The following POLR1E variants were observed in gnomAD, a reference collection of about 807,000 sequenced individuals.
POLR1E encodes RNA polymerase I subunit E, also known as DNA-directed RNA polymerase I subunit RPA49.
Under a neutral mutation model 50.9 loss-of-function variants are expected in POLR1E, and 37 were observed. That is an observed-to-expected ratio of 0.73 (90% CI 0.56 to 0.96). The LOEUF (loss-of-function observed/expected upper bound fraction) is 0.96, where lower values mean the gene tolerates loss of function less well. Among genes scored for constraint, POLR1E ranks in the 40% least tolerant of loss-of-function variants. The pLI, the probability that POLR1E is intolerant of heterozygous loss-of-function variation, is 0.00. For synonymous variants in POLR1E, 166 were observed against 191.6 expected, an observed-to-expected ratio of 0.87 and a Z score of 1.10; for missense variants, 426 against 518.1, an observed-to-expected ratio of 0.82 and a Z score of 1.73.
intron 6 of POLR1E, 105 bp downstream of exon 6, chr9:37,493,808 G>A: frequency 1.6e-6 from 2 of 1,236,620 alleles, no homozygotes; most frequent in South Asian, 4.3e-5. Flanking sequence ...GCTAGGGCTG[G>A]ATTCCTTTCA....
chr9:37,495,077 A>G (rs1820760379), intron 6 of POLR1E, 92 bp from the exon 7 acceptor site: 3 of 1,076,914 alleles, frequency 2.8e-6, no homozygotes, highest in Non-Finnish European at 4.3e-6. Context: ...GGGTTTCTGG[A>G]CCATTGGTGG....
intron 1 of POLR1E, 153 bp from the exon 2 acceptor site, chr9:37,486,550 A>T (rs1205073714): frequency 6.3e-7 from 1 of 1,587,894 alleles, no homozygotes; most frequent in South Asian, 1.1e-5. Context: ...CTGGCCCCGG[A>T]TCTCCTCCAG....
intron 7 of POLR1E, 29 bp from the exon 8 acceptor site, chr9:37,495,861 G>A (rs1412201004): frequency 1.3e-6 from 2 of 1,528,456 alleles, no homozygotes; most frequent in South Asian, 2.2e-5. Flanking sequence ...TTCTATTTTG[G>A]TTGGATTATA....
At chr9:37,498,958 C>T (rs1001347226) in intron 9 of POLR1E, among the ~76,000 whole-genome samples, 3 of 152,110 alleles carry the variant, frequency 2.0e-5, no homozygotes, top group Non-Finnish European at 4.4e-5. Flanking sequence ...TTTACATAAA[C>T]CTAGATGGTA....
Position 37,498,221 on chromosome 9 carries a change from A to G in POLR1E, c.883A>G (p.Lys295Glu), listed in dbSNP as rs761625574. Residue 295 changes from lysine (K) to glutamate (E), a missense_variant, in exon 9 of 12, where the codon AAA (lysine) becomes GAA (glutamate). By Grantham distance (56) the Lys-to-Glu change is moderately conservative. Coordinates refer to ENST00000377798, the MANE Select transcript of POLR1E (RefSeq NM_022490.4). ...TCGAGCTCATAGGGTAGTTAAGCGG[A>G]AAAGTAAGTCTATGATAAACATTTT... The part of the protein sequence containing the change: ...KFRAHRVVKR[K>E]SALGPGVPHI... The G allele has an allele frequency of 6.2e-7, 1 of 1,611,982 alleles. No individual in the cohort carries two copies. Among genetic ancestry groups the G allele is most frequent in the Non-Finnish European group, 8.5e-7 (1 of 1,178,908 alleles).
intron 3 of POLR1E, among the ~76,000 whole-genome samples, chr9:37,488,444 G>A (rs1037410113): frequency 6.6e-6 from 1 of 152,010 alleles, no homozygotes; most frequent in African/African-American, 2.4e-5. Flanking sequence ...TATCACTCTC[G>A]GGGGCTGGCA....
In POLR1E at chr9:37,486,236, C is replaced by T; in HGVS notation, c.76+113C>T. Reference sequence around the variant, plus strand: ...CTTCTCCCCAGCGGGGCCGGGACCCCTCTAGTCTCCACCACTCCCCTGGGC... The same window carrying T: ...CTTCTCCCCAGCGGGGCCGGGACCCTTCTAGTCTCCACCACTCCCCTGGGC... On this transcript the variant is annotated intron_variant, in intron 1 of 11. Transcript: ENST00000377798. 2.2e-6 allele frequency: 3 copies of T among 1,365,306 alleles called. No individual in the cohort carries two copies. In the South Asian group the frequency reaches 4.4e-5, roughly 20 times the overall value. The allele number at this position is 1,365,306 out of a possible 1,614,324, so 84.6% of individuals were successfully genotyped here.
Position 37,496,086 on chromosome 9 carries a change from G to A in POLR1E, c.752+100G>A. 6.0e-6 allele frequency: 5 copies of A among 839,520 alleles called. No homozygotes were observed. The East Asian group carries it at 1.0e-4, about 17-fold the overall frequency. The allele number at this position is 839,520 out of a possible 1,614,324, so 52.0% of individuals were successfully genotyped here. On this transcript the variant is annotated intron_variant, in intron 8 of 11. Coordinates refer to ENST00000377798, the MANE Select transcript of POLR1E (RefSeq NM_022490.4). The stretch of plus-strand genomic sequence containing the variant: ...CCTCTGGGCGTCAGTCAGTGAGGAA[G>A]TGTGTCTGGAGCATTGGACATGAAT...
At chr9:37,489,067 A>G (rs3758226) in intron 3 of POLR1E, among the ~76,000 whole-genome samples, 39,930 of 151,744 alleles carry the variant, frequency 0.26, 5,598 homozygotes, top group African/African-American at 0.35. Context: ...GGTGAAACCC[A>G]TCTTTATTAA....
intron 4 of POLR1E, chr9:37,492,210 A>AT: frequency 7.9e-7 from 1 of 1,263,006 alleles, no homozygotes; most frequent in South Asian, 1.3e-5. Flanking sequence ...TACTGCCCTT[A>AT]TTTGAGTACT....
rs535342504 is a variant in POLR1E, at chr9:37,494,550, A to G, written c.548-619A>G. Among the ~76,000 whole-genome samples the G allele has an allele frequency of 5.3e-5, 8 of 152,102 alleles. No individual in the cohort carries two copies. In the South Asian group the frequency reaches 1.7e-3, roughly 32 times the overall value. On this transcript the variant is annotated intron_variant, in intron 6 of 11. Coordinates refer to ENST00000377798, the MANE Select transcript of POLR1E (RefSeq NM_022490.4). ...CCTCCTGGGCTCAAGTGATCCTCCT[A>G]CTTCAGCCTCCCAAGTGGCTGGGAT... is the stretch of plus-strand genomic sequence containing the variant.
intron 8 of POLR1E, among the ~76,000 whole-genome samples, chr9:37,496,483 T>G (rs1056102812): frequency 5.3e-5 from 8 of 151,634 alleles, no homozygotes; most frequent in Non-Finnish European, 8.8e-5. Context: ...TGATAGTGAG[T>G]TTTTTTTGCT....
intron 2 of POLR1E, 88 bp from the exon 3 acceptor site, chr9:37,487,775 A>G: frequency 1.6e-6 from 2 of 1,284,414 alleles, no homozygotes; most frequent in Non-Finnish European, 1.1e-6. Context: ...TCTGGATTCA[A>G]AAGCCTCAGC....
intron 3 of POLR1E, among the ~76,000 whole-genome samples, chr9:37,488,251 A>C (rs1033693429): frequency 2.0e-5 from 3 of 152,218 alleles, no homozygotes; most frequent in African/African-American, 7.2e-5. Flanking sequence ...GCTTGCGTGA[A>C]GTTTACCTGG....
intron 4 of POLR1E, chr9:37,490,319 A>C: frequency 2.1e-6 from 1 of 467,714 alleles, no homozygotes; most frequent in Non-Finnish European, 3.8e-6. Flanking sequence ...ACATAATTAA[A>C]ATTTGCCTTA....
chr9:37,491,959 G>T lies in POLR1E; in HGVS notation c.344-698G>T, dbSNP rs147418918. Among the ~76,000 whole-genome samples the T allele has an allele frequency of 6.9e-3, 1,056 of 152,314 alleles. 7 individuals carry two copies. Among genetic ancestry groups the T allele is most frequent in the Non-Finnish European group, 0.012 (807 of 68,032 alleles). On this transcript the variant is annotated intron_variant, in intron 4 of 11. Transcript: ENST00000377798. ...ATATTTTTGTTGTTATATGTAAGAA[G>T]TTTGTAAATATGAGTTTATTCTAGG... is the stretch of plus-strand genomic sequence containing the variant.
In POLR1E at chr9:37,492,661, A is replaced by G; in HGVS notation, c.348A>G (p.Val116=). 1.2e-6 allele frequency: 2 copies of G among 1,613,970 alleles called. No homozygotes were observed. Among genetic ancestry groups the G allele is most frequent in the South Asian group, 1.1e-5 (1 of 91,056 alleles). The change falls in exon 5 of 12, where the codon GTA becomes GTG. Residue 116 remains valine (V), a synonymous_variant. Coordinates refer to ENST00000377798, the MANE Select transcript of POLR1E (RefSeq NM_022490.4). The part of the protein sequence containing the change: ...LFNMQPLFSD[V]SVESELALES... ...TGTTTTTGTGTGTTTTGATAGATGTATCAGTTGAGAGTGAACTGGCGCTAG... is the reference window on the plus strand; with the variant it reads ...TGTTTTTGTGTGTTTTGATAGATGTGTCAGTTGAGAGTGAACTGGCGCTAG...
In POLR1E at chr9:37,488,454, A is replaced by G. The variant is rs1352477012; in HGVS notation, c.257+515A>G. ...AACTGTATCACTCTCGGGGGCTGGC[A>G]TGATGCAGACAGGGCCCTGTGATGG... On this transcript the variant is annotated intron_variant, in intron 3 of 11. Coordinates refer to ENST00000377798, the MANE Select transcript of POLR1E (RefSeq NM_022490.4). Among the ~76,000 whole-genome samples, 6 of 152,036 alleles carry G rather than the reference A, an allele frequency of 3.9e-5. 1 individual carries two copies. The highest frequency in any genetic ancestry group is 1.4e-4 in the African/African-American group (6 of 41,392).
chr9:37,495,886 C>T lies in POLR1E; in HGVS notation c.656-4C>T. ...GTTGGATTATATTCTTGACCTGTAACTAGTTCTTTCCCCTGCGGAGTATGA... is the reference window on the plus strand; with the variant it reads ...GTTGGATTATATTCTTGACCTGTAATTAGTTCTTTCCCCTGCGGAGTATGA... On this transcript the variant is annotated splice_region_variant and splice_polypyrimidine_tract_variant and intron_variant, in intron 7 of 11. Transcript: ENST00000377798. 1.2e-6 allele frequency: 2 copies of T among 1,607,270 alleles called. No homozygotes were observed. Among genetic ancestry groups the T allele is most frequent in the Non-Finnish European group, 1.7e-6 (2 of 1,173,834 alleles).
Sources: gnomAD v4.1 joint callset for allele counts (sites outside exome capture counted in the v4.1 genomes callset) on GRCh38, gnomAD v4.1.1 for gene constraint, MANE v1.5 for transcripts, NCBI Gene and HGNC (gene_info 2026-07-23, HGNC 2026-07-21) for gene names.